RGMA: variants seen among roughly 807,000 people sequenced by gnomAD.
The protein encoded by RGMA is repulsive guidance molecule A.
A neutral mutation model predicts 23.2 loss-of-function variants in RGMA; 10 were observed. The ratio of observed to expected loss-of-function variants is 0.43; its 90% CI spans 0.27 to 0.73. The LOEUF (loss-of-function observed/expected upper bound fraction) is 0.73. Among genes scored for constraint, RGMA ranks in the 30% least tolerant of loss-of-function variants. The pLI, the probability that RGMA is intolerant of heterozygous loss-of-function variation, is 0.20. For synonymous variants in RGMA, 308 were observed against 279.3 expected (o/e 1.10, Z -1.03); for missense variants, 547 against 630.5 (o/e 0.87, Z 1.42).
chr15:93,063,108 A>C (rs1266629999), intron 2 of RGMA: 1 of 152,222 alleles, frequency 6.6e-6, no homozygotes, highest in Non-Finnish European at 1.5e-5. Context: ...CGATGGCTTC[A>C]ATTAGGATGG....
chr15:93,084,224 G>A (rs1895602032), intron 1 of RGMA, among the ~76,000 whole-genome samples: 1 of 152,222 alleles, frequency 6.6e-6, no homozygotes, highest in South Asian at 2.1e-4. Context: ...GCCACTGTCA[G>A]AGCTGAAAAT....
intron 2 of RGMA, among the ~76,000 whole-genome samples, chr15:93,067,699 G>A (rs184380075): frequency 9.8e-4 from 149 of 152,110 alleles, no homozygotes; most frequent in African/African-American, 3.4e-3. Context: ...GCAAAGGGGT[G>A]ACCCAGGGCT....
chr15:93,066,556 G>T, intron 2 of RGMA: 3 of 474,794 alleles, frequency 6.3e-6, no homozygotes, highest in South Asian at 4.9e-5. Flanking sequence ...GCTTTCTGGG[G>T]CTTCCCTGCG....
intron 3 of RGMA, among the ~76,000 whole-genome samples, chr15:93,050,000 C>T (rs915007627): frequency 7.9e-5 from 12 of 152,374 alleles, no homozygotes; most frequent in Admixed American, 2.6e-4. Context: ...CCCACTCCGC[C>T]TGCTTTGGAT....
At position 93,040,062 on chromosome 15, in the gene RGMA, A is replaced by T. The variant is rs1393141548; in HGVS notation, c.*4936T>A. ...GTCTCTCCAAAAAAATTTAACAATTAGCCGGGTGTGACGGCAGGCACCTGT... is the reference window on the plus strand; with the variant it reads ...GTCTCTCCAAAAAAATTTAACAATTTGCCGGGTGTGACGGCAGGCACCTGT... On this transcript the variant is annotated 3_prime_UTR_variant, in exon 4 of 4. Coordinates refer to ENST00000329082, the MANE Select transcript of RGMA (RefSeq NM_020211.3). 1 of 152,260 alleles carries T rather than the reference A, an allele frequency of 6.6e-6. No homozygotes were observed. The highest frequency in any genetic ancestry group is 1.5e-5 in the Non-Finnish European group (1 of 68,066). The allele number at this position is 152,260 out of a possible 1,614,324, so 9.4% of individuals were successfully genotyped here. A position where few individuals can be genotyped will look rare whatever the true frequency, so the allele number is the denominator to read the frequency against.
chr15:93,083,251 CTTTT>C (rs1164211274), intron 1 of RGMA, among the ~76,000 whole-genome samples: 3 of 152,206 alleles, frequency 2.0e-5, no homozygotes, highest in Non-Finnish European at 4.4e-5. Context: ...TGACATGTAG[CTTTT>C]TTTGTCATAT....
chr15:93,046,632 A>G (rs2054828896), intron 3 of RGMA, among the ~76,000 whole-genome samples: 1 of 152,178 alleles, frequency 6.6e-6, no homozygotes, highest in Non-Finnish European at 1.5e-5. Context: ...ATGATGCTCA[A>G]AGAAAGAATG....
chr15:93,072,769 G>T, intron 2 of RGMA, 147 bp downstream of exon 2: 1 of 914,994 alleles, frequency 1.1e-6, no homozygotes, highest in Non-Finnish European at 1.6e-6. Flanking sequence ...ACGGGGTGCG[G>T]GAGAAACAAA....
chr15:93,081,133 C>T (rs1895553081), intron 1 of RGMA, among the ~76,000 whole-genome samples: 1 of 152,144 alleles, frequency 6.6e-6, no homozygotes, highest in Non-Finnish European at 1.5e-5. Context: ...TGTGTGGCAC[C>T]ACGCCCTGTC....
intron 2 of RGMA, among the ~76,000 whole-genome samples, chr15:93,061,559 T>C (rs1408471641): frequency 6.6e-6 from 1 of 152,200 alleles, no homozygotes; most frequent in Non-Finnish European, 1.5e-5. Flanking sequence ...TTTCACTCTT[T>C]TGGGGAGGGG....
rs567356571 is a variant in RGMA, at chr15:93,044,890, C to T, written c.*108G>A. 61 of 928,902 alleles carry T rather than the reference C, an allele frequency of 6.6e-5. No individual in the cohort carries two copies. Among genetic ancestry groups the T allele is most frequent in the Non-Finnish European group, 8.5e-5 (53 of 623,326 alleles). The allele number at this position is 928,902 out of a possible 1,614,324, so 57.5% of individuals were successfully genotyped here. ...GCAGCAGGCGGTCCCTGGCGTTCTG[C>T]GGGGCCATGGTGGACACGCCAGGAG... is the stretch of plus-strand genomic sequence containing the variant. On this transcript the variant is annotated 3_prime_UTR_variant, in exon 4 of 4. Coordinates refer to ENST00000329082, the MANE Select transcript of RGMA (RefSeq NM_020211.3).
rs141691734 is a variant in RGMA at position 93,082,984 on chromosome 15, G to A, written c.14+5935C>T. On this transcript the variant is annotated intron_variant, in intron 1 of 3. Coordinates refer to ENST00000329082, the MANE Select transcript of RGMA (RefSeq NM_020211.3). ...TAAGCCAGATGGGCTTCAGCCTTTA[G>A]AGACTGGTCACTGACCCAGAAAGGG... 7.6e-3 allele frequency among the ~76,000 whole-genome samples: 1,159 copies of A among 152,376 alleles called. 5 individuals carry two copies. The highest frequency in any genetic ancestry group is 0.024 in the Middle Eastern group (7 of 294).
chr15:93,083,653 T>C (rs1220425290), intron 1 of RGMA, among the ~76,000 whole-genome samples: 1 of 152,188 alleles, frequency 6.6e-6, no homozygotes, highest in Non-Finnish European at 1.5e-5. Flanking sequence ...GAAATCAGTA[T>C]TCTGAAATCT....
intron 2 of RGMA, among the ~76,000 whole-genome samples, chr15:93,059,460 C>G (rs1040478669): frequency 6.6e-6 from 1 of 152,244 alleles, no homozygotes; most frequent in Non-Finnish European, 1.5e-5. Context: ...GAGGCTTCCT[C>G]TCTTCCAAAG....
At chr15:93,081,111 C>T (rs879845797) in intron 1 of RGMA, among the ~76,000 whole-genome samples, 4 of 152,154 alleles carry the variant, frequency 2.6e-5, no homozygotes, top group Non-Finnish European at 4.4e-5. Context: ...TTGGGGTGGT[C>T]CTAACTCCAG....
intron 2 of RGMA, among the ~76,000 whole-genome samples, chr15:93,058,024 G>A (rs538364465): frequency 1.3e-5 from 2 of 152,286 alleles, no homozygotes; most frequent in South Asian, 4.1e-4. Context: ...CTCTTCTGCT[G>A]AGACATTTTC....
intron 1 of RGMA, among the ~76,000 whole-genome samples, chr15:93,087,484 A>AAAAAAAAC (rs1555451779): frequency 6.7e-6 from 1 of 148,708 alleles, no homozygotes; most frequent in Admixed American, 6.7e-5. Flanking sequence ...AAAAAAAAAA[A>AAAAAAAAC]CCACAAAACC....
At chr15:93,081,891 T>C (rs1401614937) in intron 1 of RGMA, among the ~76,000 whole-genome samples, 20 of 152,232 alleles carry the variant, frequency 1.3e-4, no homozygotes, top group Admixed American at 1.3e-3. Flanking sequence ...GACATTCACT[T>C]CCACCATTGT....
intron 2 of RGMA, among the ~76,000 whole-genome samples, chr15:93,057,403 T>TTC (rs141245334): frequency 8.5e-4 from 129 of 151,992 alleles, no homozygotes; most frequent in African/African-American, 2.5e-3. Flanking sequence ...ATGCTAAGCG[T>TTC]TCTCTCTCTC....
Sources: allele counts gnomAD v4.1 joint callset (sites outside exome capture counted in the v4.1 genomes callset), GRCh38; gene constraint gnomAD v4.1.1; transcripts MANE v1.5; gene names NCBI Gene and HGNC (gene_info 2026-07-23, HGNC 2026-07-21).